EPB41L1: variants seen among roughly 807,000 people sequenced by gnomAD.
EPB41L1 encodes erythrocyte membrane protein band 4.1 like 1, also known as band 4.1-like protein 1.
EPB41L1 carries 29 observed loss-of-function variants against 97.8 expected under a neutral mutation model. The observed-to-expected ratio is 0.30, with a 90% CI of 0.22 to 0.40. The LOEUF (loss-of-function observed/expected upper bound fraction) is 0.40. Ranked by LOEUF, EPB41L1 falls within the 10% of genes least tolerant of loss-of-function variation. EPB41L1 has a pLI of 1.00. For missense variants in EPB41L1, 812 were observed against 1,162.3 expected (o/e 0.70, Z 4.38); for synonymous variants, 383 against 459.2 (o/e 0.83, Z 2.12).
At chr20:36,172,112 G>A (rs8122422) in intron 1 of EPB41L1, among the ~76,000 whole-genome samples, 7,280 of 151,926 alleles carry the variant, frequency 0.048, 189 homozygotes, top group Middle Eastern at 0.075. Context: ...TTTTTGAGAT[G>A]GAGTCTCACT....
intron 17 of EPB41L1, among the ~76,000 whole-genome samples, chr20:36,216,563 C>G (rs879302011): frequency 2.6e-5 from 4 of 152,208 alleles, no homozygotes; most frequent in Non-Finnish European, 4.4e-5. Context: ...AAAGATTATT[C>G]TAGCAACCTC....
In EPB41L1 at chr20:36,178,539, C is replaced by T. The variant is rs555620372; in HGVS notation, c.448-91C>T. ...GAAGGGCGTTCCCTACAAGGGGCTG[C>T]TGACCAGCCATTTCAGGATATTTCT... On this transcript the variant is annotated intron_variant, in intron 4 of 21. Coordinates refer to ENST00000338074, the MANE Select transcript of EPB41L1 (RefSeq NM_012156.2). 41 of 1,328,714 alleles carry T rather than the reference C, an allele frequency of 3.1e-5. No homozygotes were observed. The South Asian group carries it at 4.6e-4, about 15-fold the overall frequency. 82.3% of individuals were successfully genotyped at this position (1,328,714 alleles called of 1,614,324 possible).
intron 15 of EPB41L1, among the ~76,000 whole-genome samples, chr20:36,210,215 C>T (rs1411197919): frequency 6.6e-6 from 1 of 152,168 alleles, no homozygotes; most frequent in Non-Finnish European, 1.5e-5. Context: ...GAGCATGCGT[C>T]TGTGGACTCT....
At position 36,190,784 on chromosome 20, in the gene EPB41L1, C is replaced by A. The variant is rs764557961; in HGVS notation, c.1287C>A (p.Arg429=). The A allele has an allele frequency of 6.2e-7, 1 of 1,613,984 alleles. No individual in the cohort carries two copies. Among genetic ancestry groups the A allele is most frequent in the Non-Finnish European group, 8.5e-7 (1 of 1,180,038 alleles). Residue 429 remains arginine (R), a synonymous_variant, in exon 11 of 22, where the codon CGC becomes CGA. Coordinates refer to ENST00000338074, the MANE Select transcript of EPB41L1 (RefSeq NM_012156.2). The surrounding 1 kb of genome is among the most constrained non-coding windows in gnomAD (Gnocchi z 5.8). ...CCAGCAAACGGTACACCATGTCCCG[C>A]AGCCTTGATGGAGGTATGGCCCAAA... ...RSSSKRYTMS[R]SLDGAEFSRP...
At chr20:36,218,743 A>C in intron 17 of EPB41L1, 133 bp from the exon 18 acceptor site, 1 of 809,918 alleles carries the variant, frequency 1.2e-6, no homozygotes, top group South Asian at 1.4e-5. Context: ...GAACTGAACG[A>C]TGCCTTCAGT....
At chr20:36,142,636 G>A (rs2044680067) in intron 2 of EPB41L1, among the ~76,000 whole-genome samples, 1 of 152,216 alleles carries the variant, frequency 6.6e-6, no homozygotes, top group South Asian at 2.1e-4. Context: ...ATTGGGCGGA[G>A]GGAGGCATCA....
chr20:36,159,346 C>A (rs2060438632), intron 1 of EPB41L1, among the ~76,000 whole-genome samples: 1 of 152,202 alleles, frequency 6.6e-6, no homozygotes, highest in African/African-American at 2.4e-5. Context: ...ATTGGGAAAG[C>A]TTTGGAACAT....
intron 21 of EPB41L1, among the ~76,000 whole-genome samples, chr20:36,223,529 A>G (rs1042764739): frequency 8.5e-5 from 13 of 152,210 alleles, no homozygotes; most frequent in Admixed American, 3.3e-4. Flanking sequence ...AGATCTTATC[A>G]GATCTTAAAG....
At position 36,229,466 on chromosome 20, in the gene EPB41L1, G is replaced by A; in HGVS notation, c.*126G>A. 1 of 894,744 alleles carries A rather than the reference G, an allele frequency of 1.1e-6. No homozygotes were observed. Among genetic ancestry groups the A allele is most frequent in the South Asian group, 1.3e-5 (1 of 74,814 alleles). The allele number at this position is 894,744 out of a possible 1,614,324, so 55.4% of individuals were successfully genotyped here. Reference sequence around the variant, plus strand: ...AGCTGCGACGTACTGTCACTGATGAGAGACTGGGAAGGGAAAAGCATATAT... The same window carrying A: ...AGCTGCGACGTACTGTCACTGATGAAAGACTGGGAAGGGAAAAGCATATAT... On this transcript the variant is annotated 3_prime_UTR_variant, in exon 22 of 22. Transcript: ENST00000338074.
chr20:36,217,510 TCC>T lies in EPB41L1; in HGVS notation c.2269-1364_2269-1363del, dbSNP rs2063516278. Among the ~76,000 whole-genome samples the T allele has an allele frequency of 2.0e-4, 30 of 152,188 alleles. No individual in the cohort carries two copies. In the South Asian group the frequency reaches 6.2e-3, roughly 32 times the overall value. On this transcript the variant is annotated intron_variant, in intron 17 of 21. Coordinates refer to ENST00000338074, the MANE Select transcript of EPB41L1 (RefSeq NM_012156.2). ...GGTGCCTCGTTTTGAATGACTGATG[TCC>T]CTAGTGGTGGCCTCTGTTTTTAGTG...
At chr20:36,205,960 A>G (rs2062774225) in intron 14 of EPB41L1, 2 of 1,289,934 alleles carry the variant, frequency 1.6e-6, no homozygotes, top group Non-Finnish European at 1.0e-6. Flanking sequence ...CCTTGCTGGT[A>G]TCCTTGCCAA....
Position 36,141,431 on chromosome 20 carries a change from G to T in EPB41L1, c.-10+28951G>T, listed in dbSNP as rs535161404. On this transcript the variant is annotated intron_variant, in intron 2 of 19. Coordinates refer to the EPB41L1 transcript ENST00000202028. Reference sequence around the variant, plus strand: ...GGGAGCCCTGGAGGGTACTTCCGCTGTGAGGGCCTGTGTCAGGAGACTGTG... The same window carrying T: ...GGGAGCCCTGGAGGGTACTTCCGCTTTGAGGGCCTGTGTCAGGAGACTGTG... Among the ~76,000 whole-genome samples, 5 of 152,178 alleles carry T rather than the reference G, an allele frequency of 3.3e-5. No homozygotes were observed. In the East Asian group the frequency reaches 7.7e-4, roughly 23 times the overall value.
intron 11 of EPB41L1, among the ~76,000 whole-genome samples, chr20:36,193,652 T>C (rs1317885094): frequency 1.3e-5 from 2 of 152,226 alleles, no homozygotes; most frequent in Non-Finnish European, 2.9e-5. Flanking sequence ...CCCTAATTTA[T>C]AAAGAAGGTA....
At chr20:36,126,422 A>G (rs1273589503) in intron 2 of EPB41L1, among the ~76,000 whole-genome samples, 1 of 149,828 alleles carries the variant, frequency 6.7e-6, no homozygotes, top group African/African-American at 2.5e-5. Context: ...GCTGGAGTGC[A>G]ATGGCGTGAT....
In EPB41L1 at chr20:36,127,213, T is replaced by C. The variant is rs117857322; in HGVS notation, c.-10+14733T>C. On this transcript the variant is annotated intron_variant, in intron 2 of 19. Coordinates refer to the EPB41L1 transcript ENST00000202028. ...GGATTGGGTTGGTACCCCCTTCTTA[T>C]GAGAAAAGGAGAGGAGAGCCCTGTC... 2.9e-3 allele frequency among the ~76,000 whole-genome samples: 438 copies of C among 152,256 alleles called. 1 individual carries two copies. Among genetic ancestry groups the C allele is most frequent in the Non-Finnish European group, 3.9e-3 (264 of 68,018 alleles).
At chr20:36,137,763 A>T (rs1451868727) in intron 2 of EPB41L1, among the ~76,000 whole-genome samples, 1 of 152,164 alleles carries the variant, frequency 6.6e-6, no homozygotes, top group African/African-American at 2.4e-5. Context: ...ACCTCAGGTG[A>T]TCTGCCCGCC....
chr20:36,118,358 C>CAAA (rs1009877629), intron 2 of EPB41L1, among the ~76,000 whole-genome samples: 7 of 137,326 alleles, frequency 5.1e-5, no homozygotes, highest in African/African-American at 1.9e-4. Context: ...GACTCCATCT[C>CAAA]AAAAAAAAAA....
At chr20:36,167,060 A>G (rs1445624504) in intron 1 of EPB41L1, among the ~76,000 whole-genome samples, 1 of 152,174 alleles carries the variant, frequency 6.6e-6, no homozygotes, top group Non-Finnish European at 1.5e-5. Flanking sequence ...AAAACAAAAC[A>G]ATCTAGCATG....
chr20:36,175,251 C>A (rs1254827835), intron 2 of EPB41L1, among the ~76,000 whole-genome samples: 10 of 152,206 alleles, frequency 6.6e-5, no homozygotes, highest in African/African-American at 2.4e-4. Flanking sequence ...GACAGGGCAG[C>A]TCTGGCCACT....
Sources: allele counts gnomAD v4.1 joint callset (sites outside exome capture counted in the v4.1 genomes callset), GRCh38; gene constraint gnomAD v4.1.1; non-coding constraint Gnocchi (gnomAD v3.1); transcripts MANE v1.5; gene names NCBI Gene and HGNC (gene_info 2026-07-23, HGNC 2026-07-21).